MMP16: variants seen among roughly 807,000 people sequenced by gnomAD.
MMP16 encodes matrix metallopeptidase 16.
Under a neutral mutation model 67.8 loss-of-function variants are expected in MMP16, and 12 were observed. That is an observed-to-expected ratio of 0.18 (90% CI 0.11 to 0.29). MMP16 has a LOEUF of 0.29. MMP16 is among the 10% of genes least tolerant of loss of function. The pLI, the probability that MMP16 is intolerant of heterozygous loss-of-function variation, is 1.00. For missense variants in MMP16, 475 were observed against 765.7 expected, an observed-to-expected ratio of 0.62 and a Z score of 4.48; for synonymous variants, 249 against 255.9, an observed-to-expected ratio of 0.97 and a Z score of 0.26.
intron 3 of MMP16, among the ~76,000 whole-genome samples, chr8:88,169,470 T>C (rs550085846): frequency 3.3e-5 from 5 of 152,288 alleles, no homozygotes; most frequent in African/African-American, 1.2e-4. Flanking sequence ...GAAAAACCTC[T>C]AAGTGGCAGA....
intron 2 of MMP16, among the ~76,000 whole-genome samples, chr8:88,196,453 G>C (rs796942114): frequency 6.6e-6 from 1 of 152,104 alleles, no homozygotes; most frequent in East Asian, 1.9e-4. Context: ...TTGATGAAGA[G>C]ATTATGCCTT....
At chr8:88,275,832 A>G (rs1192348900) in intron 1 of MMP16, among the ~76,000 whole-genome samples, 3 of 152,114 alleles carry the variant, frequency 2.0e-5, no homozygotes, top group African/African-American at 4.8e-5. Flanking sequence ...GTGAACACTA[A>G]AAAAACACAT....
At chr8:88,229,523 AT>A (rs1489680269) in intron 1 of MMP16, among the ~76,000 whole-genome samples, 1 of 152,122 alleles carries the variant, frequency 6.6e-6, no homozygotes, top group Non-Finnish European at 1.5e-5. Flanking sequence ...TAAGACTATT[AT>A]GAGGTAAGAA....
At chr8:88,081,489 C>T (rs528611089) in intron 6 of MMP16, among the ~76,000 whole-genome samples, 1 of 152,200 alleles carries the variant, frequency 6.6e-6, no homozygotes, top group South Asian at 2.1e-4. Flanking sequence ...CTGGCTTGTG[C>T]CTGTAATCCC....
chr8:88,110,445 C>T (rs1234364307), intron 6 of MMP16, among the ~76,000 whole-genome samples: 1 of 151,494 alleles, frequency 6.6e-6, no homozygotes, highest in Non-Finnish European at 1.5e-5. Flanking sequence ...TTTTGTACTA[C>T]AGGAAAACTT....
intron 1 of MMP16, among the ~76,000 whole-genome samples, chr8:88,241,374 T>C (rs776655872): frequency 6.6e-6 from 1 of 152,132 alleles, no homozygotes; most frequent in Non-Finnish European, 1.5e-5. Flanking sequence ...GAAATATGCA[T>C]GGAAGTTTTT....
intron 6 of MMP16, among the ~76,000 whole-genome samples, chr8:88,079,041 G>C (rs1563525385): frequency 6.6e-6 from 1 of 152,176 alleles, no homozygotes; most frequent in African/African-American, 2.4e-5. Context: ...ACTGCATCTA[G>C]AATGAAACTC....
chr8:88,238,663 T>TA (rs34127125), intron 1 of MMP16, among the ~76,000 whole-genome samples: 14,520 of 99,740 alleles, frequency 0.15, 1,449 homozygotes, highest in East Asian at 0.33. Context: ...AAGACTCTGT[T>TA]AAAAAAAAAA....
intron 1 of MMP16, among the ~76,000 whole-genome samples, chr8:88,263,758 T>G (rs1357143735): frequency 6.6e-6 from 1 of 152,048 alleles, no homozygotes; most frequent in Non-Finnish European, 1.5e-5. Flanking sequence ...CTTATTTACA[T>G]CTATAAAGAT....
At chr8:88,287,452 G>C (rs1563584741) in intron 1 of MMP16, among the ~76,000 whole-genome samples, 3 of 152,142 alleles carry the variant, frequency 2.0e-5, no homozygotes. Flanking sequence ...CTCATCAAGT[G>C]CATCTTCTTC....
intron 1 of MMP16, among the ~76,000 whole-genome samples, chr8:88,255,316 T>C (rs778305415): frequency 1.3e-5 from 2 of 152,160 alleles, no homozygotes; most frequent in Non-Finnish European, 2.9e-5. Flanking sequence ...TTCGCCATGA[T>C]TGTAAGCTTC....
chr8:88,050,375 G>A (rs1317471599), intron 8 of MMP16, among the ~76,000 whole-genome samples: 1 of 151,996 alleles, frequency 6.6e-6, no homozygotes, highest in Non-Finnish European at 1.5e-5. Flanking sequence ...GAGGACAATG[G>A]GATCACATCC....
At chr8:88,235,423 A>T (rs533222709) in intron 1 of MMP16, among the ~76,000 whole-genome samples, 15 of 152,062 alleles carry the variant, frequency 9.9e-5, no homozygotes, top group African/African-American at 3.4e-4. Flanking sequence ...ACTAGGAGAA[A>T]ACATGGTATT....
At chr8:88,313,552 T>C (rs1381982109) in intron 1 of MMP16, among the ~76,000 whole-genome samples, 1 of 152,214 alleles carries the variant, frequency 6.6e-6, no homozygotes, top group Non-Finnish European at 1.5e-5. Context: ...TCTTCTTTTT[T>C]CTTTGTGCTT....
intron 1 of MMP16, among the ~76,000 whole-genome samples, chr8:88,271,686 T>A (rs1472038461): frequency 6.6e-6 from 1 of 152,102 alleles, no homozygotes; most frequent in East Asian, 1.9e-4. Flanking sequence ...AAAAGGTTGA[T>A]TCTCAAAGTT....
chr8:88,202,020 T>C (rs1017337677), intron 1 of MMP16, among the ~76,000 whole-genome samples: 8 of 152,136 alleles, frequency 5.3e-5, no homozygotes, highest in Admixed American at 3.9e-4. Context: ...TGAAGATTCA[T>C]AGGATAAGTT....
At chr8:88,279,371 T>G (rs1415477770) in intron 1 of MMP16, among the ~76,000 whole-genome samples, 2 of 152,214 alleles carry the variant, frequency 1.3e-5, no homozygotes, top group Non-Finnish European at 2.9e-5. Flanking sequence ...TTTCTTAACA[T>G]GGTTAATAGA....
chr8:88,231,226 G>T (rs1461845803), intron 1 of MMP16, among the ~76,000 whole-genome samples: 10 of 152,158 alleles, frequency 6.6e-5, no homozygotes, highest in Admixed American at 6.5e-4. Context: ...AGAGTGAAGA[G>T]ATTCTCTAAC....
chr8:88,280,850 A>C (rs1238573897), intron 1 of MMP16, among the ~76,000 whole-genome samples: 3 of 151,964 alleles, frequency 2.0e-5, no homozygotes, highest in Non-Finnish European at 4.4e-5. Flanking sequence ...ACACCACTGC[A>C]CTCCATCCTG....
Sources: gnomAD v4.1 joint callset for allele counts (sites outside exome capture counted in the v4.1 genomes callset) on GRCh38, gnomAD v4.1.1 for gene constraint, MANE v1.5 for transcripts, NCBI Gene and HGNC (gene_info 2026-07-23, HGNC 2026-07-21) for gene names.